TENM4: variants seen among roughly 807,000 people sequenced by gnomAD.
TENM4 encodes teneurin-4.
Under a neutral mutation model 243.3 loss-of-function variants are expected in TENM4, and 82 were observed. The ratio of observed to expected loss-of-function variants is 0.34; its 90% CI spans 0.28 to 0.40. TENM4 has a LOEUF of 0.40. TENM4 is among the 10% of genes least tolerant of loss of function. The pLI, the probability that TENM4 is intolerant of heterozygous loss-of-function variation, is 1.00. For synonymous variants in TENM4, 1,412 were observed against 1,456.3 expected, an observed-to-expected ratio of 0.97 and a Z score of 0.69; for missense variants, 3,138 against 3,673.3, an observed-to-expected ratio of 0.85 and a Z score of 3.77.
chr11:79,301,309 T>A (rs1189381907), intron 1 of TENM4, among the ~76,000 whole-genome samples: 1 of 152,216 alleles, frequency 6.6e-6, no homozygotes, highest in African/African-American at 2.4e-5. Flanking sequence ...GATACATCCA[T>A]CTGCCCCACA....
chr11:79,160,183 T>A (rs572247789), intron 3 of TENM4, among the ~76,000 whole-genome samples: 1 of 152,256 alleles, frequency 6.6e-6, no homozygotes, highest in Non-Finnish European at 1.5e-5. Context: ...TAGTCCTCCC[T>A]CCCAGAACAC....
chr11:78,830,753 G>T (rs749467442), intron 12 of TENM4, among the ~76,000 whole-genome samples: 1 of 152,138 alleles, frequency 6.6e-6, no homozygotes, highest in Non-Finnish European at 1.5e-5. Flanking sequence ...ACACTCAGCC[G>T]CCAGGACAGT....
intron 16 of TENM4, among the ~76,000 whole-genome samples, chr11:78,780,362 G>A (rs1298089327): frequency 6.6e-6 from 1 of 152,238 alleles, no homozygotes; most frequent in Non-Finnish European, 1.5e-5. Flanking sequence ...CAAAGGGCAT[G>A]AATACATAGA....
intron 14 of TENM4, among the ~76,000 whole-genome samples, chr11:78,809,109 G>T (rs972035572): frequency 6.6e-6 from 1 of 152,190 alleles, no homozygotes; most frequent in Non-Finnish European, 1.5e-5. Flanking sequence ...GGCTGGGAGG[G>T]TGCCAAGTGC....
At chr11:79,050,354 G>A (rs188966265) in intron 6 of TENM4, among the ~76,000 whole-genome samples, 3 of 152,266 alleles carry the variant, frequency 2.0e-5, no homozygotes, top group Admixed American at 2.0e-4. Context: ...TAGAGAGAAG[G>A]GCAAATCCTT....
At chr11:79,118,437 C>A (rs887809918) in intron 4 of TENM4, among the ~76,000 whole-genome samples, 4 of 152,178 alleles carry the variant, frequency 2.6e-5, no homozygotes, top group Non-Finnish European at 5.9e-5. Context: ...CTTTTCAAGT[C>A]TATACTTCAA....
chr11:79,158,521 T>C (rs1269395810), intron 3 of TENM4, among the ~76,000 whole-genome samples: 1 of 152,182 alleles, frequency 6.6e-6, no homozygotes, highest in Non-Finnish European at 1.5e-5. Context: ...GAAGATTAAA[T>C]TAGGAGGTAA....
chr11:79,357,262 C>T (rs1030236504), intron 1 of TENM4, among the ~76,000 whole-genome samples: 4 of 152,236 alleles, frequency 2.6e-5, no homozygotes, highest in Admixed American at 6.5e-5. Context: ...ATCTCCAATG[C>T]TACACATTCT....
At chr11:79,315,218 G>T (rs1856783992) in intron 1 of TENM4, among the ~76,000 whole-genome samples, 1 of 152,184 alleles carries the variant, frequency 6.6e-6, no homozygotes, top group Non-Finnish European at 1.5e-5. Flanking sequence ...GCAAACCAGG[G>T]CACTCAAGAG....
intron 6 of TENM4, among the ~76,000 whole-genome samples, chr11:79,003,371 T>C (rs1311545933): frequency 7.1e-6 from 1 of 141,602 alleles, no homozygotes; most frequent in Non-Finnish European, 1.5e-5. Context: ...AAGGTCAAAA[T>C]GAAAAAAAAA....
intron 2 of TENM4, among the ~76,000 whole-genome samples, chr11:79,227,984 ATTCT>A (rs1864303498): frequency 1.3e-5 from 2 of 152,364 alleles, no homozygotes; most frequent in African/African-American, 4.8e-5. Flanking sequence ...GGGGAAAGTC[ATTCT>A]TTATTGAGAG....
At chr11:79,254,043 AC>A (rs1855658522) in intron 2 of TENM4, among the ~76,000 whole-genome samples, 1 of 152,220 alleles carries the variant, frequency 6.6e-6, no homozygotes, top group South Asian at 2.1e-4. Context: ...TCCAGTGTTT[AC>A]CCACAGGAAA....
At chr11:79,291,662 A>G (rs532655965) in intron 2 of TENM4, among the ~76,000 whole-genome samples, 9 of 152,330 alleles carry the variant, frequency 5.9e-5, no homozygotes, top group African/African-American at 1.7e-4. Flanking sequence ...GTGGGGAAGT[A>G]AGTGCCTTCA....
At chr11:79,089,166 C>A (rs1245341098) in intron 4 of TENM4, among the ~76,000 whole-genome samples, 1 of 152,182 alleles carries the variant, frequency 6.6e-6, no homozygotes, top group Non-Finnish European at 1.5e-5. Context: ...GAAACCTGAA[C>A]CACCTTCAAA....
chr11:79,068,637 A>G (rs1860330201), intron 5 of TENM4, among the ~76,000 whole-genome samples: 2 of 152,186 alleles, frequency 1.3e-5, no homozygotes, highest in Non-Finnish European at 2.9e-5. Flanking sequence ...CCTGTCTGTG[A>G]AGGGGGAGAA....
chr11:79,375,400 T>G (rs893358418), intron 1 of TENM4, among the ~76,000 whole-genome samples: 15 of 152,382 alleles, frequency 9.8e-5, no homozygotes, highest in Admixed American at 1.3e-4. Context: ...TGAATATACA[T>G]GAATTTTATA....
At chr11:79,116,347 G>C (rs1239535326) in intron 4 of TENM4, among the ~76,000 whole-genome samples, 2 of 152,220 alleles carry the variant, frequency 1.3e-5, no homozygotes, top group Non-Finnish European at 2.9e-5. Flanking sequence ...CTCACAGCTA[G>C]TAAGGAGTAA....
intron 3 of TENM4, chr11:79,191,511 C>G (rs11237753): frequency 0.17 from 27,399 of 156,840 alleles, 3,157 homozygotes; most frequent in Non-Finnish European, 0.25. Context: ...CCTTGGCCCC[C>G]CAAAGTGCGG....
At chr11:79,390,996 G>A (rs1449347675) in intron 1 of TENM4, among the ~76,000 whole-genome samples, 5 of 152,148 alleles carry the variant, frequency 3.3e-5, no homozygotes, top group Admixed American at 6.5e-5. Flanking sequence ...CTTGAGCCTG[G>A]CTTTAGTGGA....
Sources: allele counts gnomAD v4.1 joint callset (sites outside exome capture counted in the v4.1 genomes callset), GRCh38; gene constraint gnomAD v4.1.1; transcripts MANE v1.5; gene names NCBI Gene and HGNC (gene_info 2026-07-23, HGNC 2026-07-21).